The following SLC25A48 variants were observed in gnomAD, a reference collection of about 807,000 sequenced individuals.
The protein encoded by SLC25A48 is CTC-321K16.1.
A neutral mutation model predicts 32.2 loss-of-function variants in SLC25A48; 29 were observed. The ratio of observed to expected loss-of-function variants is 0.90; its 90% CI spans 0.67 to 1.23. The LOEUF (loss-of-function observed/expected upper bound fraction) is 1.23, where lower values mean the gene tolerates loss of function less well. Among genes scored for constraint, SLC25A48 ranks in the 50% most tolerant of loss-of-function variants. The pLI is 0.00. For synonymous variants in SLC25A48, 164 were observed against 172.3 expected (o/e 0.95, Z 0.38); for missense variants, 399 against 422.7 (o/e 0.94, Z 0.49).
At chr5:135,847,865 A>G (rs896172229) in intron 2 of SLC25A48, among the ~76,000 whole-genome samples, 5 of 152,180 alleles carry the variant, frequency 3.3e-5, no homozygotes, top group African/African-American at 4.8e-5. Flanking sequence ...TAATGCATTC[A>G]TGCTGTTTTA....
intron 4 of SLC25A48, among the ~76,000 whole-genome samples, chr5:135,869,205 T>G (rs1761455166): frequency 1.3e-5 from 2 of 152,308 alleles, no homozygotes; most frequent in African/African-American, 4.8e-5. Flanking sequence ...ATATTGTGAA[T>G]GAAGGAGCTA....
rs991491212 is a variant in SLC25A48 at position 135,793,761 on chromosome 5, A to T, written c.-520-18762A>T. 5.9e-5 allele frequency among the ~76,000 whole-genome samples: 9 copies of T among 151,934 alleles called. No individual in the cohort carries two copies. The South Asian group carries it at 6.2e-4, about 11-fold the overall frequency. On this transcript the variant is annotated intron_variant, in intron 3 of 10. Coordinates refer to the SLC25A48 transcript ENST00000646290. ...GTTCACCATTTTTGTACACCCTGGAATATTATTTGTAATATCCTTGGGAGA... is the reference window on the plus strand; with the variant it reads ...GTTCACCATTTTTGTACACCCTGGATTATTATTTGTAATATCCTTGGGAGA...
chr5:135,885,358 C>T (rs1762677804), intron 7 of SLC25A48, among the ~76,000 whole-genome samples: 1 of 152,214 alleles, frequency 6.6e-6, no homozygotes, highest in Non-Finnish European at 1.5e-5. Context: ...GTGTGCCCAA[C>T]ACCCTCCAGG....
chr5:135,868,105 T>C (rs1761343659), intron 4 of SLC25A48, among the ~76,000 whole-genome samples: 2 of 152,218 alleles, frequency 1.3e-5, no homozygotes, highest in Admixed American at 6.5e-5. Flanking sequence ...AATCGTGCAC[T>C]TGAAAGCTTT....
chr5:135,709,735 A>G (rs1754609212), intron 3 of SLC25A48, among the ~76,000 whole-genome samples: 1 of 152,190 alleles, frequency 6.6e-6, no homozygotes, highest in African/African-American at 2.4e-5. Context: ...AATGTATATA[A>G]TAATAATATC....
chr5:135,757,355 C>T (rs1297740145), intron 3 of SLC25A48, among the ~76,000 whole-genome samples: 1 of 149,146 alleles, frequency 6.7e-6, no homozygotes. Context: ...TGTTAACACA[C>T]AATAATATTA....
At chr5:135,647,507 G>T (rs942654779) in intron 3 of SLC25A48, among the ~76,000 whole-genome samples, 5 of 152,052 alleles carry the variant, frequency 3.3e-5, no homozygotes, top group Admixed American at 3.3e-4. Context: ...TCTGTAATCT[G>T]GGGAGATCAT....
chr5:135,638,153 A>G (rs568057338), intron 3 of SLC25A48, among the ~76,000 whole-genome samples: 3 of 152,330 alleles, frequency 2.0e-5, no homozygotes, highest in Middle Eastern at 3.4e-3. Context: ...TTGATTCTAC[A>G]TATGTTAAGT....
chr5:135,685,030 A>T (rs566574509), intron 3 of SLC25A48, among the ~76,000 whole-genome samples: 1 of 152,210 alleles, frequency 6.6e-6, no homozygotes, highest in Admixed American at 6.5e-5. Flanking sequence ...CGAGCAGTGT[A>T]TGAGCTTGTC....
intron 3 of SLC25A48, among the ~76,000 whole-genome samples, chr5:135,657,320 C>G (rs1381017780): frequency 6.6e-6 from 1 of 152,090 alleles, no homozygotes; most frequent in Admixed American, 6.5e-5. Flanking sequence ...AAGGTGAGAC[C>G]CTGGTTTGGT....
intron 6 of SLC25A48, among the ~76,000 whole-genome samples, chr5:135,879,316 C>A (rs1279103981): frequency 6.6e-6 from 1 of 152,106 alleles, no homozygotes; most frequent in East Asian, 1.9e-4. Flanking sequence ...GCCTGAAAAG[C>A]CTCATCTCAT....
chr5:135,620,387 G>C (rs1752296501), intron 1 of SLC25A48, among the ~76,000 whole-genome samples: 1 of 152,154 alleles, frequency 6.6e-6, no homozygotes, highest in Admixed American at 6.5e-5. Context: ...GCTGACTTCA[G>C]TAGTCAGGGG....
At chr5:135,633,482 A>G (rs1417106222) in intron 2 of SLC25A48, among the ~76,000 whole-genome samples, 1 of 151,984 alleles carries the variant, frequency 6.6e-6, no homozygotes, top group Admixed American at 6.6e-5. Context: ...ATGCCAGGAA[A>G]GGCCATGTGA....
intron 1 of SLC25A48, chr5:135,835,270 G>C (rs1249723667): frequency 2.1e-6 from 1 of 474,526 alleles, no homozygotes; most frequent in African/African-American, 2.0e-5. Context: ...ACTTATGTAT[G>C]AGGGTAGCGC....
chr5:135,801,016 T>G (rs144784323), intron 3 of SLC25A48, among the ~76,000 whole-genome samples: 64 of 151,650 alleles, frequency 4.2e-4, no homozygotes, highest in African/African-American at 1.5e-3. Flanking sequence ...GTGTACACCC[T>G]TCTGTGATAT....
At chr5:135,879,208 C>G (rs1032722327) in intron 6 of SLC25A48, among the ~76,000 whole-genome samples, 2 of 152,088 alleles carry the variant, frequency 1.3e-5, no homozygotes, top group Non-Finnish European at 2.9e-5. Flanking sequence ...GAGTCCTACT[C>G]CCTATTAGGT....
intron 4 of SLC25A48, among the ~76,000 whole-genome samples, chr5:135,824,100 AC>A (rs895772182): frequency 1.9e-4 from 29 of 152,136 alleles, no homozygotes; most frequent in Admixed American, 1.3e-4. Context: ...ATCTGGAGTC[AC>A]CCTGCAGGGA....
intron 1 of SLC25A48, among the ~76,000 whole-genome samples, chr5:135,613,017 TACTA>T (rs1294749973): frequency 6.6e-6 from 1 of 152,216 alleles, no homozygotes; most frequent in African/African-American, 2.4e-5. Context: ...ATAGTGCCTG[TACTA>T]ACTAATTTAT....
chr5:135,683,824 G>C (rs938141023), intron 3 of SLC25A48, among the ~76,000 whole-genome samples: 3 of 152,128 alleles, frequency 2.0e-5, no homozygotes, highest in Non-Finnish European at 2.9e-5. Flanking sequence ...GATGCCCTGC[G>C]GGAATCATTC....
Sources: allele counts gnomAD v4.1 joint callset (sites outside exome capture counted in the v4.1 genomes callset), GRCh38; gene constraint gnomAD v4.1.1; transcripts MANE v1.5; gene names NCBI Gene and HGNC (gene_info 2026-07-23, HGNC 2026-07-21).